LYPD6: variants seen among roughly 807,000 people sequenced by gnomAD.
LYPD6 encodes the protein LY6/PLAUR domain containing 6.
In LYPD6, 15 loss-of-function variants were observed where a neutral mutation model predicts 22.7. The observed-to-expected ratio is 0.66, with a 90% CI of 0.44 to 1.02. The LOEUF is 1.02. Among genes scored for constraint, LYPD6 ranks in the 50% least tolerant of loss-of-function variants. The pLI is 0.00. For synonymous variants in LYPD6, 72 were observed against 77.5 expected, an observed-to-expected ratio of 0.93 and a Z score of 0.37; for missense variants, 189 against 208.4, an observed-to-expected ratio of 0.91 and a Z score of 0.57.
At chr2:149,373,330 A>G (rs1681852118) in intron 1 of LYPD6, among the ~76,000 whole-genome samples, 1 of 152,224 alleles carries the variant, frequency 6.6e-6, no homozygotes, top group Non-Finnish European at 1.5e-5. Flanking sequence ...TCAGAAAATC[A>G]GTCTGAGCTG....
the LYPD6 span, among the ~76,000 whole-genome samples, chr2:149,479,518 A>G: frequency 6.6e-6 from 1 of 151,932 alleles, no homozygotes; most frequent in South Asian, 2.1e-4. Flanking sequence ...TGTATCATCC[A>G]CTCCCAGGCT....
intron 1 of LYPD6, among the ~76,000 whole-genome samples, chr2:149,340,931 T>C (rs1681149002): frequency 6.6e-6 from 1 of 152,108 alleles, no homozygotes; most frequent in Non-Finnish European, 1.5e-5. Context: ...ACTCGCCATG[T>C]GGAATACATT....
intron 2 of LYPD6, 78 bp from the exon 3 acceptor site, chr2:149,448,971 A>G: frequency 8.9e-7 from 1 of 1,127,766 alleles, no homozygotes; most frequent in South Asian, 1.5e-5. Context: ...TTTCTTTAAA[A>G]TAATGAAAAT....
At chr2:149,454,177 A>C (rs956780255) in intron 3 of LYPD6, among the ~76,000 whole-genome samples, 21 of 152,222 alleles carry the variant, frequency 1.4e-4, no homozygotes, top group African/African-American at 4.6e-4. Context: ...TTAAAGTTGA[A>C]TATACATACC....
intron 1 of LYPD6, among the ~76,000 whole-genome samples, chr2:149,346,178 T>C (rs1377031872): frequency 2.0e-5 from 3 of 152,256 alleles, no homozygotes; most frequent in Non-Finnish European, 4.4e-5. Flanking sequence ...TAATACTATT[T>C]TTTAAAAACA....
intron 1 of LYPD6, among the ~76,000 whole-genome samples, chr2:149,405,584 G>A (rs574306157): frequency 2.6e-4 from 40 of 152,142 alleles, no homozygotes; most frequent in Admixed American, 8.5e-4. Flanking sequence ...GGTGATATCC[G>A]CTTTATCATT....
At chr2:149,392,558 A>G (rs1231863495) in intron 1 of LYPD6, among the ~76,000 whole-genome samples, 2 of 152,214 alleles carry the variant, frequency 1.3e-5, no homozygotes, top group African/African-American at 2.4e-5. Context: ...GCTGTGACGG[A>G]TGGGAGAGAG....
intron 2 of LYPD6, among the ~76,000 whole-genome samples, chr2:149,439,099 C>A (rs1573808960): frequency 6.6e-6 from 1 of 152,170 alleles, no homozygotes. Context: ...CCACACCAGG[C>A]AATCAAATGG....
intron 1 of LYPD6, among the ~76,000 whole-genome samples, chr2:149,361,373 A>G (rs1310906209): frequency 6.6e-6 from 1 of 152,196 alleles, no homozygotes; most frequent in African/African-American, 2.4e-5. Flanking sequence ...AAATTTTCCT[A>G]CAAAAGGGTA....
chr2:149,383,599 C>A (rs1470650649), intron 1 of LYPD6, among the ~76,000 whole-genome samples: 1 of 152,154 alleles, frequency 6.6e-6, no homozygotes, highest in Non-Finnish European at 1.5e-5. Context: ...GAGAAACATT[C>A]ATCTTACTGA....
intron 1 of LYPD6, among the ~76,000 whole-genome samples, chr2:149,339,899 T>C (rs757518016): frequency 6.6e-6 from 1 of 152,228 alleles, no homozygotes; most frequent in Non-Finnish European, 1.5e-5. Context: ...TCTTCATCTT[T>C]TGCTAGAATT....
At chr2:149,389,160 A>T (rs1290522088) in intron 1 of LYPD6, among the ~76,000 whole-genome samples, 2 of 152,126 alleles carry the variant, frequency 1.3e-5, no homozygotes, top group Admixed American at 1.3e-4. Flanking sequence ...TCCCTTTGTG[A>T]CATTTGATGA....
At chr2:149,379,502 T>C (rs1006392697) in intron 1 of LYPD6, among the ~76,000 whole-genome samples, 1 of 152,186 alleles carries the variant, frequency 6.6e-6, no homozygotes, top group Admixed American at 6.5e-5. Context: ...TTGGAAAAAA[T>C]TCTGGGTTAG....
intron 1 of LYPD6, among the ~76,000 whole-genome samples, chr2:149,414,910 G>A (rs910129519): frequency 7.2e-5 from 11 of 152,170 alleles, no homozygotes; most frequent in African/African-American, 2.7e-4. Context: ...CAGTCATGGG[G>A]TGCGTTTGTC....
chr2:149,390,766 G>T (rs907536009), intron 1 of LYPD6, among the ~76,000 whole-genome samples: 2 of 152,130 alleles, frequency 1.3e-5, no homozygotes, highest in Non-Finnish European at 2.9e-5. Flanking sequence ...ACAGTTAATT[G>T]AATGGAAATA....
At chr2:149,347,501 G>T (rs1442353837) in intron 1 of LYPD6, among the ~76,000 whole-genome samples, 2 of 152,070 alleles carry the variant, frequency 1.3e-5, no homozygotes, top group African/African-American at 4.8e-5. Flanking sequence ...TTGACAAAAT[G>T]GAATTGATTT....
At chr2:149,393,231 A>G (rs1474220794) in intron 1 of LYPD6, among the ~76,000 whole-genome samples, 1 of 152,196 alleles carries the variant, frequency 6.6e-6, no homozygotes, top group African/African-American at 2.4e-5. Flanking sequence ...ATGCATCTAT[A>G]GCTTCTCAGT....
At chr2:149,353,134 C>T (rs1015700029) in intron 1 of LYPD6, among the ~76,000 whole-genome samples, 1 of 152,224 alleles carries the variant, frequency 6.6e-6, no homozygotes, top group African/African-American at 2.4e-5. Context: ...AAAGTAAGCA[C>T]AAATTCTGGC....
intron 1 of LYPD6, among the ~76,000 whole-genome samples, chr2:149,372,842 A>C (rs1050243069): frequency 6.6e-6 from 1 of 152,212 alleles, no homozygotes; most frequent in Non-Finnish European, 1.5e-5. Flanking sequence ...CAAATGTAAA[A>C]ATTCACAGAG....
Sources: gnomAD v4.1 joint callset for allele counts (sites outside exome capture counted in the v4.1 genomes callset) on GRCh38, gnomAD v4.1.1 for gene constraint, MANE v1.5 for transcripts, NCBI Gene and HGNC (gene_info 2026-07-23, HGNC 2026-07-21) for gene names.